The following BCR variants were observed in gnomAD, a reference collection of about 807,000 sequenced individuals.
BCR encodes the protein BCR activator of RhoGEF and GTPase.
A neutral mutation model predicts 138.6 loss-of-function variants in BCR; 58 were observed. The ratio of observed to expected loss-of-function variants is 0.42; its 90% confidence interval spans 0.34 to 0.52. The LOEUF is 0.52. BCR is among the 20% of genes least tolerant of loss of function. The pLI is 0.06. For missense variants in BCR, 1,599 were observed against 1,727.2 expected (o/e 0.93, Z 1.32); for synonymous variants, 786 against 730.1 (o/e 1.08, Z -1.23).
chr22:23,287,663 A>C (rs1261361807), intron 11 of BCR, among the ~76,000 whole-genome samples: 2 of 152,192 alleles, frequency 1.3e-5, no homozygotes, highest in Non-Finnish European at 2.9e-5. Context: ...CTGTCAATAC[A>C]TGTCTGTCAA....
At chr22:23,299,074 G>A (rs11704423) in intron 16 of BCR, among the ~76,000 whole-genome samples, 24,137 of 152,184 alleles carry the variant, frequency 0.16, 2,546 homozygotes, top group Middle Eastern at 0.27. Context: ...TCGGCTCACT[G>A]CAAGCTCCGC....
In BCR at chr22:23,181,611, C is replaced by T. The variant is rs1179192139; in HGVS notation, c.651C>T (p.His217=). Residue 217 remains histidine (H), a synonymous_variant, in exon 1 of 23, where the codon CAC becomes CAT. Transcript: ENST00000305877. ...AGATGGAGCGCAAAAAGTCCCAGCACGGCGCGGGCTCGAGCGTGGGGGATG... is the reference window on the plus strand; with the variant it reads ...AGATGGAGCGCAAAAAGTCCCAGCATGGCGCGGGCTCGAGCGTGGGGGATG... ...AMQMERKKSQ[H]GAGSSVGDAS... is the part of the protein sequence containing the mutation. The T allele has an allele frequency of 3.7e-6, 6 of 1,612,288 alleles. 1 individual carries two copies. In the East Asian group the frequency reaches 1.1e-4, roughly 30 times the overall value.
At chr22:23,204,519 A>G (rs1395811997) in intron 1 of BCR, among the ~76,000 whole-genome samples, 1 of 152,128 alleles carries the variant, frequency 6.6e-6, no homozygotes, top group Non-Finnish European at 1.5e-5. Context: ...ATTATTTGGA[A>G]ATCCCTCTTG....
intron 16 of BCR, chr22:23,302,453 C>A (rs530693459): frequency 6.6e-6 from 1 of 152,320 alleles, no homozygotes; most frequent in African/African-American, 2.4e-5. Context: ...ACGGGAGGGT[C>A]TCTCTACGCA....
At chr22:23,251,764 T>A (rs987300544) in intron 1 of BCR, among the ~76,000 whole-genome samples, 1 of 152,086 alleles carries the variant, frequency 6.6e-6, no homozygotes, top group Non-Finnish European at 1.5e-5. Flanking sequence ...ATGGTGAGAG[T>A]GACGTCACCC....
chr22:23,201,481 G>C (rs901717758), intron 1 of BCR, among the ~76,000 whole-genome samples: 5 of 142,770 alleles, frequency 3.5e-5, no homozygotes, highest in Admixed American at 7.0e-5. Context: ...TTTTTGAGAC[G>C]GAGTCTTGCT....
At chr22:23,280,581 T>A (rs2073632215) in intron 8 of BCR, among the ~76,000 whole-genome samples, 1 of 152,138 alleles carries the variant, frequency 6.6e-6, no homozygotes, top group Non-Finnish European at 1.5e-5. Flanking sequence ...CAGACTGGTC[T>A]TTCTCACCCC....
chr22:23,209,814 G>A (rs1284009605), intron 1 of BCR, among the ~76,000 whole-genome samples: 1 of 152,206 alleles, frequency 6.6e-6, no homozygotes, highest in African/African-American at 2.4e-5. Context: ...AATTTTTTTA[G>A]AGATGGGGTC....
intron 1 of BCR, among the ~76,000 whole-genome samples, chr22:23,225,009 C>T (rs1174641974): frequency 1.3e-5 from 2 of 151,928 alleles, no homozygotes; most frequent in Non-Finnish European, 2.9e-5. Flanking sequence ...CACCGAGACC[C>T]GGCATTTGGA....
At chr22:23,249,008 G>C (rs1249522554) in intron 1 of BCR, among the ~76,000 whole-genome samples, 1 of 152,230 alleles carries the variant, frequency 6.6e-6, no homozygotes, top group Non-Finnish European at 1.5e-5. Context: ...GGCCTTGGCT[G>C]GGCATGGTGG....
intron 14 of BCR, among the ~76,000 whole-genome samples, chr22:23,291,440 G>C (rs150900889): frequency 4.8e-4 from 73 of 152,132 alleles, no homozygotes; most frequent in African/African-American, 1.6e-3. Flanking sequence ...ATGACATGCA[G>C]ATTGCACCTT....
intron 1 of BCR, among the ~76,000 whole-genome samples, chr22:23,194,999 G>T (rs1162657368): frequency 6.6e-6 from 1 of 151,924 alleles, no homozygotes; most frequent in Non-Finnish European, 1.5e-5. Context: ...TTTTTTGGCC[G>T]GGAGTGGTGG....
chr22:23,254,520 A>C (rs759809355), intron 2 of BCR: 1 of 519,022 alleles, frequency 1.9e-6, no homozygotes, highest in South Asian at 1.4e-5. Flanking sequence ...GAGTAGCGGC[A>C]CATTCAGTAG....
chr22:23,295,742 GC>G (rs1048118945), intron 16 of BCR, among the ~76,000 whole-genome samples: 1 of 152,114 alleles, frequency 6.6e-6, no homozygotes, highest in Non-Finnish European at 1.5e-5. Context: ...TAAGGAGACT[GC>G]CTGGGCCCTC....
chr22:23,242,939 G>C (rs2073111475), intron 1 of BCR: 1 of 455,054 alleles, frequency 2.2e-6, no homozygotes, highest in Non-Finnish European at 4.4e-6. Context: ...CCTCGACCTG[G>C]TGACAACATC....
intron 13 of BCR, 142 bp downstream of exon 13, chr22:23,289,763 C>G: frequency 1.4e-6 from 1 of 723,106 alleles, no homozygotes; most frequent in East Asian, 2.7e-5. Flanking sequence ...TTGTTAGGGC[C>G]TCTTGTCTCC....
chr22:23,246,649 G>C (rs1171038881), intron 1 of BCR, among the ~76,000 whole-genome samples: 1 of 152,146 alleles, frequency 6.6e-6, no homozygotes, highest in African/African-American at 2.4e-5. Context: ...AGTTTTTCCT[G>C]TCTGAAAAAT....
At position 23,311,811 on chromosome 22, in the gene BCR, G is replaced by A. The variant is rs749072840; in HGVS notation, c.3297G>A (p.Gln1099=). The A allele has an allele frequency of 1.2e-6, 2 of 1,611,792 alleles. No homozygotes were observed. Among genetic ancestry groups the A allele is most frequent in the Admixed American group, 3.3e-5 (2 of 60,018 alleles). The change falls in exon 19 of 23, where the codon CAG becomes CAA. Residue 1099 remains glutamine (Q), a synonymous_variant. Coordinates refer to ENST00000305877, the MANE Select transcript of BCR (RefSeq NM_004327.4). ...TGTCCGGTGTGGCCACGGACATCCAGGCACTGAAGGCAGCCTTCGACGTCA... is the reference window on the plus strand; with the variant it reads ...TGTCCGGTGTGGCCACGGACATCCAAGCACTGAAGGCAGCCTTCGACGTCA... ...YRVSGVATDI[Q]ALKAAFDVNN...
At chr22:23,188,246 C>G (rs894323737) in intron 1 of BCR, among the ~76,000 whole-genome samples, 1 of 152,180 alleles carries the variant, frequency 6.6e-6, no homozygotes, top group East Asian at 1.9e-4. Flanking sequence ...TACAAGCGTT[C>G]TCTGGTTCAG....
Sources: gnomAD v4.1 joint callset for allele counts (sites outside exome capture counted in the v4.1 genomes callset) on GRCh38, gnomAD v4.1.1 for gene constraint, MANE v1.5 for transcripts, NCBI Gene and HGNC (gene_info 2026-07-23, HGNC 2026-07-21) for gene names.